BICD1: variants seen among roughly 807,000 people sequenced by gnomAD.
BICD1 encodes the protein protein bicaudal D homolog 1.
BICD1 carries 35 observed loss-of-function variants against 92.5 expected under a neutral mutation model. The ratio of observed to expected loss-of-function variants is 0.38; its 90% CI spans 0.29 to 0.50. BICD1 has a LOEUF of 0.50. Among genes scored for constraint, BICD1 ranks in the 20% least tolerant of loss-of-function variants. BICD1 has a pLI of 0.93. For missense variants in BICD1, 950 were observed against 1,189.8 expected, an observed-to-expected ratio of 0.80 and a Z score of 2.97; for synonymous variants, 429 against 465.1, an observed-to-expected ratio of 0.92 and a Z score of 1.00.
At chr12:32,167,912 C>T (rs1592406186) in intron 1 of BICD1, among the ~76,000 whole-genome samples, 2 of 123,188 alleles carry the variant, frequency 1.6e-5, no homozygotes, top group Admixed American at 8.0e-5. Context: ...TTTTTGACTT[C>T]AGTGAAGTTT....
At chr12:32,326,062 G>GAC (rs72514190) in intron 4 of BICD1, among the ~76,000 whole-genome samples, 112,148 of 135,796 alleles carry the variant, frequency 0.83, 46,518 homozygotes, top group East Asian at 0.88. Flanking sequence ...CAGCCTGGGA[G>GAC]AGAGTGAGAC....
Position 32,230,705 on chromosome 12 carries a change from G to A in BICD1, c.426+14246G>A, listed in dbSNP as rs574741469. On this transcript the variant is annotated intron_variant, in intron 2 of 9. Coordinates refer to ENST00000652176, the MANE Select transcript of BICD1 (RefSeq NM_001714.4). The stretch of plus-strand genomic sequence containing the variant: ...GAAAGCAGCCACGTGGAGCAAAAGC[G>A]GCGTCTGTCTCACCTCACTTTCCAG... Among the ~76,000 whole-genome samples the A allele has an allele frequency of 5.3e-5, 8 of 152,182 alleles. No homozygotes were observed. The South Asian group carries it at 1.2e-3, about 24-fold the overall frequency.
chr12:32,249,689 C>CTTT (rs35108159), intron 2 of BICD1, among the ~76,000 whole-genome samples: 24 of 145,784 alleles, frequency 1.6e-4, no homozygotes, highest in African/African-American at 6.0e-4. Context: ...CTCTCTCTCT[C>CTTT]TTTTTTTTTT....
intron 2 of BICD1, among the ~76,000 whole-genome samples, chr12:32,252,964 C>T (rs913981382): frequency 2.0e-5 from 3 of 152,062 alleles, no homozygotes; most frequent in Non-Finnish European, 4.4e-5. Flanking sequence ...CTCTGCCTCC[C>T]GGGTTCATAT....
intron 2 of BICD1, among the ~76,000 whole-genome samples, chr12:32,227,133 AG>A (rs143887124): frequency 0.072 from 10,930 of 152,254 alleles, 441 homozygotes; most frequent in Middle Eastern, 0.12. Flanking sequence ...AAATAGAACA[AG>A]GGGGGACACC....
chr12:32,345,276 G>GA (rs1219058654), intron 8 of BICD1, among the ~76,000 whole-genome samples: 1,689 of 83,146 alleles, frequency 0.02, 10 homozygotes, highest in African/African-American at 0.041. Context: ...CCCTGTCTCA[G>GA]AAAAAAAAAA....
chr12:32,126,731 T>C (rs1798609), intron 1 of BICD1, among the ~76,000 whole-genome samples: 50,200 of 151,826 alleles, frequency 0.33, 8,851 homozygotes, highest in Admixed American at 0.45. Flanking sequence ...CACTGCACTC[T>C]AGCCTGGGCG....
chr12:32,172,956 T>C (rs939244564), intron 1 of BICD1, among the ~76,000 whole-genome samples: 1 of 152,160 alleles, frequency 6.6e-6, no homozygotes, highest in Non-Finnish European at 1.5e-5. Context: ...ACCCAACTAA[T>C]ACCAACAACA....
chr12:32,175,364 T>C (rs907946719), intron 1 of BICD1, among the ~76,000 whole-genome samples: 5 of 152,232 alleles, frequency 3.3e-5, no homozygotes, highest in Non-Finnish European at 5.9e-5. Flanking sequence ...TCACCCAGGC[T>C]GGAGTGCAGT....
At position 32,379,010 on chromosome 12, in the gene BICD1, A is replaced by G. The variant is rs1940092375; in HGVS notation, c.*1383A>G. 6.6e-6 allele frequency: 1 copy of G among 152,220 alleles called. No individual in the cohort carries two copies. The highest frequency in any genetic ancestry group is 2.4e-5 in the African/African-American group (1 of 41,476). The allele number at this position is 152,220 out of a possible 1,614,324, so 9.4% of individuals were successfully genotyped here. A position where few individuals can be genotyped will look rare whatever the true frequency, so the allele number is the denominator to read the frequency against. On this transcript the variant is annotated 3_prime_UTR_variant, in exon 10 of 10. Transcript: ENST00000652176. ...ACACTCTCGGGCTCCTTAACCATCA[A>G]GTGCTGCCCACACAATTGCTCCTAG...
At chr12:32,251,114 C>G (rs1194085148) in intron 2 of BICD1, among the ~76,000 whole-genome samples, 2 of 152,096 alleles carry the variant, frequency 1.3e-5, no homozygotes, top group Non-Finnish European at 2.9e-5. Flanking sequence ...TCATTATTTT[C>G]TGACTATAAT....
intron 2 of BICD1, among the ~76,000 whole-genome samples, chr12:32,251,425 C>T (rs889275381): frequency 6.6e-6 from 1 of 152,116 alleles, no homozygotes; most frequent in African/African-American, 2.4e-5. Context: ...TTCTGAAATG[C>T]GTCTCACTGG....
chr12:32,288,247 T>C (rs796399844), intron 2 of BICD1, among the ~76,000 whole-genome samples: 40 of 113,374 alleles, frequency 3.5e-4, no homozygotes, highest in African/African-American at 9.0e-4. Flanking sequence ...TTTTTTTTTT[T>C]CTGAGACAGG....
At chr12:32,161,979 C>T (rs12301456) in intron 1 of BICD1, among the ~76,000 whole-genome samples, 20,126 of 152,168 alleles carry the variant, frequency 0.13, 1,376 homozygotes, top group Middle Eastern at 0.16. Context: ...CAGATACTTT[C>T]GCAGGTTCCA....
chr12:32,108,683 C>T (rs1188014270), intron 1 of BICD1: 12 of 697,024 alleles, frequency 1.7e-5, no homozygotes, highest in Non-Finnish European at 3.1e-5. Flanking sequence ...ATCAACTTGC[C>T]TTCCAATTTA....
intron 4 of BICD1, among the ~76,000 whole-genome samples, chr12:32,320,638 C>T (rs1187082722): frequency 6.6e-6 from 1 of 151,696 alleles, no homozygotes; most frequent in Non-Finnish European, 1.5e-5. Context: ...GAGACTCCGT[C>T]TCAAAATAAG....
chr12:32,330,832 G>A (rs1937828677), intron 5 of BICD1, among the ~76,000 whole-genome samples: 2 of 152,068 alleles, frequency 1.3e-5, no homozygotes, highest in Non-Finnish European at 2.9e-5. Context: ...TCTTCCTAAA[G>A]GTTGAATATT....
At chr12:32,265,334 C>T (rs540884917) in intron 2 of BICD1, among the ~76,000 whole-genome samples, 2 of 152,004 alleles carry the variant, frequency 1.3e-5, no homozygotes, top group Admixed American at 6.6e-5. Context: ...AGTTCCCATG[C>T]GAATGTCTTG....
chr12:32,141,877 C>T (rs1942931971), intron 1 of BICD1, among the ~76,000 whole-genome samples: 1 of 152,112 alleles, frequency 6.6e-6, no homozygotes, highest in South Asian at 2.1e-4. Context: ...CTTGGTGATT[C>T]TTGTTTCATT....
Sources: allele counts gnomAD v4.1 joint callset (sites outside exome capture counted in the v4.1 genomes callset), GRCh38; gene constraint gnomAD v4.1.1; transcripts MANE v1.5; gene names NCBI Gene and HGNC (gene_info 2026-07-23, HGNC 2026-07-21).